Variants in SLC8A1 observed in about 807,000 individuals in gnomAD.
The protein encoded by SLC8A1 is sodium/calcium exchanger 1.
In SLC8A1, 18 loss-of-function variants were observed where a neutral mutation model predicts 68.3. That is an observed-to-expected ratio of 0.26 (90% confidence interval 0.18 to 0.39). SLC8A1 has a LOEUF of 0.39. Ranked by LOEUF, SLC8A1 falls within the 10% of genes least tolerant of loss-of-function variation. The pLI is 1.00. For missense variants in SLC8A1, 985 were observed against 1,156.7 expected, an observed-to-expected ratio of 0.85 and a Z score of 2.15; for synonymous variants, 475 against 415.5, an observed-to-expected ratio of 1.14 and a Z score of -1.74.
At chr2:40,443,694 A>T (rs1700926372) in intron 1 of SLC8A1, among the ~76,000 whole-genome samples, 1 of 152,196 alleles carries the variant, frequency 6.6e-6, no homozygotes, top group South Asian at 2.1e-4. Flanking sequence ...GGACTAAAAG[A>T]AATGAGTGCT....
chr2:40,364,894 G>A, intron 2 of SLC8A1, among the ~76,000 whole-genome samples: 1 of 151,890 alleles, frequency 6.6e-6, no homozygotes, highest in Non-Finnish European at 1.5e-5. Context: ...GAAATGACAG[G>A]GAACAGCTTT....
At chr2:40,465,546 A>G (rs1216366984) in intron 1 of SLC8A1, among the ~76,000 whole-genome samples, 2 of 152,152 alleles carry the variant, frequency 1.3e-5, no homozygotes, top group Admixed American at 6.5e-5. Context: ...TTACTACATC[A>G]TCTCTTTTAA....
In SLC8A1 at chr2:40,256,458, T is replaced by A. The variant is rs549449195; in HGVS notation, c.1809-78603A>T. Among the ~76,000 whole-genome samples the A allele has an allele frequency of 2.6e-5, 4 of 152,344 alleles. No individual in the cohort carries two copies. The East Asian group carries it at 7.7e-4, about 29-fold the overall frequency. Reference sequence around the variant, plus strand: ...GACAAAAAAAATGCCAGAAGGCATGTAAAAGACAGACAGTCCTCTTTTCAA... The same window carrying A: ...GACAAAAAAAATGCCAGAAGGCATGAAAAAGACAGACAGTCCTCTTTTCAA... On this transcript the variant is annotated intron_variant, in intron 2 of 7. Transcript: ENST00000406785.
chr2:40,453,274 G>A (rs1390198997), upstream of SLC8A1: 1 of 152,126 alleles, frequency 6.6e-6, no homozygotes, highest in African/African-American at 2.4e-5. Flanking sequence ...AGTTGCTATC[G>A]GCCACTGGTG....
intron 2 of SLC8A1, among the ~76,000 whole-genome samples, chr2:40,348,889 T>C (rs1413827608): frequency 1.3e-5 from 2 of 152,234 alleles, no homozygotes; most frequent in African/African-American, 2.4e-5. Flanking sequence ...CTTCATGTTG[T>C]TGTTACACTT....
chr2:40,175,661 A>T (rs868216825), intron 3 of SLC8A1, among the ~76,000 whole-genome samples: 1 of 152,128 alleles, frequency 6.6e-6, no homozygotes, highest in Non-Finnish European at 1.5e-5. Flanking sequence ...ACTTGATATG[A>T]GTGAGGCTTC....
intron 2 of SLC8A1, among the ~76,000 whole-genome samples, chr2:40,355,804 T>G (rs1389544250): frequency 1.3e-5 from 2 of 152,202 alleles, no homozygotes; most frequent in African/African-American, 4.8e-5. Context: ...TTGCTTTCTC[T>G]GGTATTATGT....
At chr2:40,501,736 T>G (rs1706071883) in intron 1 of SLC8A1, among the ~76,000 whole-genome samples, 1 of 152,082 alleles carries the variant, frequency 6.6e-6, no homozygotes, top group Admixed American at 6.6e-5. Flanking sequence ...TTTTGGGAGT[T>G]GCCCCTTGCC....
chr2:40,201,764 G>T (rs376754561), intron 2 of SLC8A1, among the ~76,000 whole-genome samples: 4 of 152,052 alleles, frequency 2.6e-5, no homozygotes, highest in South Asian at 4.1e-4. Context: ...GCATTTGCAT[G>T]AGTTCTTGGT....
intron 2 of SLC8A1, among the ~76,000 whole-genome samples, chr2:40,371,807 T>C (rs1220701339): frequency 6.6e-6 from 1 of 152,116 alleles, no homozygotes; most frequent in African/African-American, 2.4e-5. Flanking sequence ...AGGCAGATTC[T>C]GAGGCTGTGA....
At chr2:40,486,881 C>A (rs1705003526) in intron 1 of SLC8A1, among the ~76,000 whole-genome samples, 2 of 105,238 alleles carry the variant, frequency 1.9e-5, no homozygotes, top group African/African-American at 7.5e-5. Context: ...CCTCCCCCCA[C>A]CCCTTTGTAG....
intron 1 of SLC8A1, among the ~76,000 whole-genome samples, chr2:40,457,488 T>A (rs1250947304): frequency 1.3e-5 from 2 of 152,200 alleles, no homozygotes; most frequent in African/African-American, 4.8e-5. Context: ...ACAGTAGCCC[T>A]TGAAGATGAA....
At chr2:40,210,789 C>A (rs2056438384) in intron 2 of SLC8A1, among the ~76,000 whole-genome samples, 1 of 152,180 alleles carries the variant, frequency 6.6e-6, no homozygotes, top group South Asian at 2.1e-4. Flanking sequence ...AATTGCTTCT[C>A]ATCAGCTCTC....
At chr2:40,423,643 A>G (rs1696099570) in intron 2 of SLC8A1, among the ~76,000 whole-genome samples, 1 of 152,016 alleles carries the variant, frequency 6.6e-6, no homozygotes, top group South Asian at 2.1e-4. Context: ...CCTTTACATA[A>G]TGATATTATA....
chr2:40,471,918 C>T (rs1471161216), intron 1 of SLC8A1, among the ~76,000 whole-genome samples: 1 of 152,142 alleles, frequency 6.6e-6, no homozygotes, highest in Non-Finnish European at 1.5e-5. Flanking sequence ...CATCCAGCTA[C>T]AATGCATCAT....
intron 2 of SLC8A1, among the ~76,000 whole-genome samples, chr2:40,193,156 G>C (rs966715657): frequency 2.0e-5 from 3 of 152,110 alleles, no homozygotes; most frequent in African/African-American, 7.2e-5. Context: ...TAAAAAGATA[G>C]GGTTCTTAAT....
chr2:40,460,950 T>G (rs1703306109), intron 1 of SLC8A1, among the ~76,000 whole-genome samples: 1 of 152,146 alleles, frequency 6.6e-6, no homozygotes. Context: ...GTGTCTGAGA[T>G]GTGTTTAAGT....
chr2:40,403,900 A>G (rs985054591), intron 2 of SLC8A1, among the ~76,000 whole-genome samples: 9 of 152,234 alleles, frequency 5.9e-5, no homozygotes, highest in Admixed American at 4.6e-4. Flanking sequence ...TAAAGGAAAT[A>G]AGTAAAAAGC....
intron 2 of SLC8A1, among the ~76,000 whole-genome samples, chr2:40,346,811 T>G (rs1373890868): frequency 1.3e-5 from 2 of 152,134 alleles, no homozygotes; most frequent in Non-Finnish European, 2.9e-5. Context: ...TCAATGATCT[T>G]TCTAGTTTGG....
Sources: allele counts gnomAD v4.1 joint callset (sites outside exome capture counted in the v4.1 genomes callset), GRCh38; gene constraint gnomAD v4.1.1; transcripts MANE v1.5; gene names NCBI Gene and HGNC (gene_info 2026-07-23, HGNC 2026-07-21).